UBASH3B: variants seen among roughly 807,000 people sequenced by gnomAD.
The protein encoded by UBASH3B is ubiquitin associated and SH3 domain containing B, also known as ubiquitin-associated and SH3 domain-containing protein B.
In UBASH3B, 37 loss-of-function variants were observed where a neutral mutation model predicts 83.4. The ratio of observed to expected loss-of-function variants is 0.44; its 90% CI spans 0.34 to 0.58. The LOEUF is 0.58. UBASH3B is among the 20% of genes least tolerant of loss of function. UBASH3B has a pLI of 0.01. For synonymous variants in UBASH3B, 304 were observed against 318.3 expected (o/e 0.96, Z 0.48); for missense variants, 657 against 827.2 (o/e 0.79, Z 2.52).
chr11:122,719,888 T>C (rs1860592911), intron 1 of UBASH3B, among the ~76,000 whole-genome samples: 1 of 152,162 alleles, frequency 6.6e-6, no homozygotes. Context: ...CCTCTCTCGA[T>C]GCTTCCTTAA....
chr11:122,754,677 C>T (rs78700470), intron 1 of UBASH3B, among the ~76,000 whole-genome samples: 163 of 152,336 alleles, frequency 1.1e-3, no homozygotes, highest in African/African-American at 3.5e-3. Context: ...CATCAGCCCA[C>T]ACCTCAGCCA....
At chr11:122,700,648 C>T (rs1034452664) in intron 1 of UBASH3B, among the ~76,000 whole-genome samples, 1 of 152,092 alleles carries the variant, frequency 6.6e-6, no homozygotes. Context: ...AGGTGCTCAC[C>T]ACCACACCCA....
At position 122,759,274 on chromosome 11, in the gene UBASH3B, A is replaced by G. The variant is rs1399525740; in HGVS notation, c.162-16945A>G. Among the ~76,000 whole-genome samples the G allele has an allele frequency of 2.0e-5, 3 of 152,158 alleles. No homozygotes were observed. Among genetic ancestry groups the G allele is most frequent in the African/African-American group, 4.8e-5 (2 of 41,440 alleles). On this transcript the variant is annotated intron_variant, in intron 1 of 13. Transcript: ENST00000284273. The surrounding 1 kb of genome is among the most constrained non-coding windows in gnomAD (Gnocchi z 4.1). ...TTCCTTGCCACGTGGCTGTCTTTTCATAGGCAGTCCACAACATGCTGCTTC... is the reference window on the plus strand; with the variant it reads ...TTCCTTGCCACGTGGCTGTCTTTTCGTAGGCAGTCCACAACATGCTGCTTC...
At chr11:122,688,868 T>C (rs1187343309) in intron 1 of UBASH3B, among the ~76,000 whole-genome samples, 2 of 151,954 alleles carry the variant, frequency 1.3e-5, no homozygotes, top group African/African-American at 4.8e-5. Flanking sequence ...ATGGTGTCGA[T>C]CTCCTGACCT....
chr11:122,699,520 TTTCTTTCTTTC>T lies in UBASH3B; in HGVS notation c.161+43312_161+43322del, dbSNP rs1173285733. ...TTAAATCTTTCTTTCTTTCTTTCTC[TTTCTTTCTTTC>T]TCTTTCTTTCTTTCTTTCTTTCTTT... On this transcript the variant is annotated intron_variant, in intron 1 of 13. Coordinates refer to ENST00000284273, the MANE Select transcript of UBASH3B (RefSeq NM_032873.5). Among the ~76,000 whole-genome samples the T allele has an allele frequency of 3.8e-3, 395 of 104,430 alleles. 4 individuals are homozygous for T. Among genetic ancestry groups the T allele is most frequent in the African/African-American group, 0.013 (376 of 28,124 alleles). The allele number at this position is 104,430 out of a possible 152,430, so 68.5% of individuals were successfully genotyped here.
At chr11:122,724,250 A>G (rs997178643) in intron 1 of UBASH3B, among the ~76,000 whole-genome samples, 3 of 152,222 alleles carry the variant, frequency 2.0e-5, no homozygotes, top group African/African-American at 7.2e-5. Context: ...CATCGGTAAG[A>G]TCATGATGAC....
rs1236139299 is a variant in UBASH3B at position 122,779,607 on chromosome 11, C to G, written c.513C>G (p.Asn171Lys). The change falls in exon 4 of 14, where the codon AAC (asparagine) becomes AAG (lysine). Residue 171 changes from asparagine to lysine, a missense_variant. Asn to Lys is a moderately conservative substitution (Grantham distance 94, BLOSUM62 0). This residue lies in a region of UBASH3B where 573 missense variants were observed against 739.0 expected (regional missense o/e 0.78). Transcript: ENST00000284273. ...PLPLELYTSS[N>K]FIGLFVKEDS... ...CCCTGGAGCTCTATACGTCGTCCAA[C>G]TTCATCGGCCTCTTTGTAAAGGAAG... The G allele has an allele frequency of 6.2e-7, 1 of 1,614,076 alleles. No individual in the cohort carries two copies. The highest frequency in any genetic ancestry group is 8.5e-7 in the Non-Finnish European group (1 of 1,180,046).
At chr11:122,703,792 G>A (rs1035363484) in intron 1 of UBASH3B, among the ~76,000 whole-genome samples, 6 of 152,276 alleles carry the variant, frequency 3.9e-5, no homozygotes, top group South Asian at 2.1e-4. Flanking sequence ...AGAACATGGC[G>A]CCCTGATACT....
At chr11:122,656,957 C>T (rs1435528963) in intron 1 of UBASH3B, among the ~76,000 whole-genome samples, 2 of 152,160 alleles carry the variant, frequency 1.3e-5, no homozygotes, top group Non-Finnish European at 2.9e-5. Context: ...GGTGGCTGCC[C>T]CTGGAGCCTG....
chr11:122,785,299 G>A (rs369518487), intron 5 of UBASH3B, among the ~76,000 whole-genome samples: 10 of 152,126 alleles, frequency 6.6e-5, no homozygotes, highest in African/African-American at 2.2e-4. Flanking sequence ...GACCTCTCCC[G>A]TGAGGTCTTT....
rs1861002651 is a variant in UBASH3B, at chr11:122,740,230, G to A, written c.162-35989G>A. Among the ~76,000 whole-genome samples the A allele has an allele frequency of 4.6e-5, 7 of 152,184 alleles. No individual in the cohort carries two copies. The South Asian group carries it at 1.0e-3, about 22-fold the overall frequency. On this transcript the variant is annotated intron_variant, in intron 1 of 13. Coordinates refer to ENST00000284273, the MANE Select transcript of UBASH3B (RefSeq NM_032873.5). ...TAGACTGTGAATAGGTTAATTTGGA[G>A]CTACTAACTGGCTATCATGCAGGTG...
At chr11:122,725,095 G>A (rs1456450284) in intron 1 of UBASH3B, among the ~76,000 whole-genome samples, 4 of 108,256 alleles carry the variant, frequency 3.7e-5, no homozygotes, top group African/African-American at 1.1e-4. Flanking sequence ...TCAGCCTCTC[G>A]AGTAGCCAGG....
At chr11:122,781,676 GCCA>G (rs1416526014) in intron 4 of UBASH3B, among the ~76,000 whole-genome samples, 2 of 152,246 alleles carry the variant, frequency 1.3e-5, no homozygotes, top group African/African-American at 4.8e-5. Flanking sequence ...TGGGAAGCCG[GCCA>G]CCATGTCTTT....
chr11:122,739,068 G>A (rs769120509), intron 1 of UBASH3B, among the ~76,000 whole-genome samples: 12 of 152,042 alleles, frequency 7.9e-5, no homozygotes, highest in Non-Finnish European at 1.3e-4. Context: ...GCACGATCAC[G>A]GCTTACTGCA....
chr11:122,787,003 GC>G (rs1860967875), intron 5 of UBASH3B, among the ~76,000 whole-genome samples: 1 of 84,302 alleles, frequency 1.2e-5, no homozygotes, highest in East Asian at 3.5e-4. Context: ...CCCCCCCACC[GC>G]CCCACATGAT....
At chr11:122,762,678 G>A (rs1238313292) in intron 1 of UBASH3B, among the ~76,000 whole-genome samples, 1 of 152,170 alleles carries the variant, frequency 6.6e-6, no homozygotes, top group African/African-American at 2.4e-5. Context: ...CCCGTTCCCG[G>A]ATGGTTTCTA....
intron 1 of UBASH3B, among the ~76,000 whole-genome samples, chr11:122,669,521 G>C (rs908492627): frequency 1.3e-5 from 2 of 152,152 alleles, no homozygotes; most frequent in Non-Finnish European, 2.9e-5. Flanking sequence ...TGCAGATTAG[G>C]ACATGGACAG....
At position 122,806,658 on chromosome 11, in the gene UBASH3B, T is replaced by G; in HGVS notation, c.1702+142T>G. The stretch of plus-strand genomic sequence containing the variant: ...GATTTTCTTCCAGATACTTTTACAT[T>G]AAATTTGTAATATTCTCTGAGTTCC... On this transcript the variant is annotated intron_variant, in intron 12 of 13. Transcript: ENST00000284273. The surrounding 1 kb of genome is among the most constrained non-coding windows in gnomAD (Gnocchi z 4.0). 3 of 1,223,218 alleles carry G rather than the reference T, an allele frequency of 2.5e-6. No homozygotes were observed. Among genetic ancestry groups the G allele is most frequent in the Non-Finnish European group, 2.1e-6 (2 of 937,746 alleles). 75.8% of individuals were successfully genotyped at this position (1,223,218 alleles called of 1,614,324 possible). A position where few individuals can be genotyped will look rare whatever the true frequency, so the allele number is the denominator to read the frequency against.
intron 1 of UBASH3B, among the ~76,000 whole-genome samples, chr11:122,768,466 AT>A (rs1860588599): frequency 1.6e-5 from 2 of 128,984 alleles, no homozygotes; most frequent in African/African-American, 6.8e-5. Flanking sequence ...AGAGATATAT[AT>A]GTATGTGTGT....
Sources: allele counts gnomAD v4.1 joint callset (sites outside exome capture counted in the v4.1 genomes callset), GRCh38; gene constraint gnomAD v4.1.1; regional missense constraint gnomAD v4.1.1; non-coding constraint Gnocchi (gnomAD v3.1); transcripts MANE v1.5; gene names NCBI Gene and HGNC (gene_info 2026-07-23, HGNC 2026-07-21).